The following KCNIP1 variants were observed in gnomAD, a reference collection of about 807,000 sequenced individuals.
KCNIP1 encodes the protein potassium voltage-gated channel interacting protein 1, also known as A-type potassium channel modulatory protein KCNIP1.
A neutral mutation model predicts 33.0 loss-of-function variants in KCNIP1; 18 were observed. The ratio of observed to expected loss-of-function variants is 0.55; its 90% CI spans 0.38 to 0.81. The LOEUF is 0.81. KCNIP1 is among the 30% of genes least tolerant of loss of function. The pLI, the probability that KCNIP1 is intolerant of heterozygous loss-of-function variation, is 0.00. For missense variants in KCNIP1, 238 were observed against 271.6 expected, an observed-to-expected ratio of 0.88 and a Z score of 0.87; for synonymous variants, 93 against 98.3, an observed-to-expected ratio of 0.95 and a Z score of 0.32.
intron 1 of KCNIP1, among the ~76,000 whole-genome samples, chr5:170,460,415 T>A (rs1308625744): frequency 6.6e-6 from 1 of 152,156 alleles, no homozygotes; most frequent in East Asian, 1.9e-4. Flanking sequence ...ATATCCCTGA[T>A]GAACATAGAT....
Position 170,449,007 on chromosome 5 carries a change from G to A in KCNIP1, c.88+95043G>A, listed in dbSNP as rs139966243. Among the ~76,000 whole-genome samples, 459 of 152,296 alleles carry A rather than the reference G, an allele frequency of 3.0e-3. 3 individuals are homozygous for A. Among genetic ancestry groups the A allele is most frequent in the African/African-American group, 0.01 (433 of 41,564 alleles). On this transcript the variant is annotated intron_variant, in intron 1 of 7. Coordinates refer to the KCNIP1 transcript ENST00000377360. ...TACTTCATGCTTAATTCAAGGAAGC[G>A]AATTCTCCTTGTGGGTTAACATCAT...
At chr5:170,379,612 T>C (rs970664558) in intron 1 of KCNIP1, among the ~76,000 whole-genome samples, 1 of 152,090 alleles carries the variant, frequency 6.6e-6, no homozygotes, top group African/African-American at 2.4e-5. Context: ...CTCCAGGCAA[T>C]GGATGTCAGG....
chr5:170,687,700 T>C (rs1191462068), intron 1 of KCNIP1, among the ~76,000 whole-genome samples: 1 of 152,210 alleles, frequency 6.6e-6, no homozygotes, highest in Admixed American at 6.5e-5. Context: ...CACCAGCCCT[T>C]GCCTCAGAAG....
At chr5:170,576,686 G>A (rs1390247319) in intron 1 of KCNIP1, among the ~76,000 whole-genome samples, 1 of 152,150 alleles carries the variant, frequency 6.6e-6, no homozygotes, top group African/African-American at 2.4e-5. Flanking sequence ...TATTACAAAT[G>A]AGACCATTAA....
chr5:170,526,545 G>C (rs1755575979), intron 1 of KCNIP1, among the ~76,000 whole-genome samples: 1 of 152,056 alleles, frequency 6.6e-6, no homozygotes, highest in Non-Finnish European at 1.5e-5. Flanking sequence ...ATCCTTCTGG[G>C]CTTTGGAGAT....
At chr5:170,535,363 C>G (rs1251478238) in intron 1 of KCNIP1, among the ~76,000 whole-genome samples, 1 of 152,126 alleles carries the variant, frequency 6.6e-6, no homozygotes, top group Non-Finnish European at 1.5e-5. Flanking sequence ...ATGTCAATAC[C>G]CTGAGCCTGA....
chr5:170,516,953 G>A (rs1477390491), intron 1 of KCNIP1, among the ~76,000 whole-genome samples: 1 of 152,276 alleles, frequency 6.6e-6, no homozygotes, highest in East Asian at 1.9e-4. Flanking sequence ...TTTGATAGTG[G>A]TGGTGATGAT....
intron 1 of KCNIP1, among the ~76,000 whole-genome samples, chr5:170,398,170 A>G (rs1754808001): frequency 6.6e-6 from 1 of 152,212 alleles, no homozygotes; most frequent in African/African-American, 2.4e-5. Flanking sequence ...CCCTCTTTCC[A>G]TCATGACCTG....
rs142656280 is a variant in KCNIP1, at chr5:170,540,455, C to T, written c.61+35822C>T. On this transcript the variant is annotated intron_variant, in intron 1 of 7. Coordinates refer to ENST00000328939, the MANE Select transcript of KCNIP1 (RefSeq NM_014592.4). ...ATTGCACCAACAGCTGTTGCCCAGC[C>T]CTGCTATGTGGATCTTGGGGACAAT... is the stretch of plus-strand genomic sequence containing the variant. Among the ~76,000 whole-genome samples the T allele has an allele frequency of 2.4e-3, 360 of 152,302 alleles. 3 individuals are homozygous for T. The highest frequency in any genetic ancestry group is 4.0e-3 in the Non-Finnish European group (273 of 68,028).
chr5:170,373,087 G>A (rs977220478), intron 1 of KCNIP1, among the ~76,000 whole-genome samples: 24 of 152,342 alleles, frequency 1.6e-4, no homozygotes, highest in African/African-American at 5.8e-4. Context: ...ATCCTTTGAG[G>A]AAGTTGGCTG....
rs536263261 is a variant in KCNIP1 at position 170,700,628 on chromosome 5, G to A, written c.62-18130G>A. Among the ~76,000 whole-genome samples, 7 of 152,298 alleles carry A rather than the reference G, an allele frequency of 4.6e-5. No individual in the cohort carries two copies. In the South Asian group the frequency reaches 1.5e-3, roughly 32 times the overall value. On this transcript the variant is annotated intron_variant, in intron 1 of 7. Transcript: ENST00000328939. ...CCACAGGACTGATCCCTCTGTGAGG[G>A]CAGAGATTGTTCATGCATGGAATTG...
Position 170,504,146 on chromosome 5 carries a change from G to A in KCNIP1, c.-427G>A. On this transcript the variant is annotated 5_prime_UTR_variant, in exon 1 of 8. Transcript: ENST00000328939. This position sits in a 1 kb window ranked among gnomAD's most constrained non-coding sequence, Gnocchi z 6.0. ...CGGCCCTCCGAGACCCAGCCCGAGC[G>A]CAGGGAGGGGAGCCGAGTGTGCGGC... The A allele has an allele frequency of 1.0e-6, 1 of 997,238 alleles. No homozygotes were observed. Among genetic ancestry groups the A allele is most frequent in the South Asian group, 4.7e-5 (1 of 21,462 alleles). 61.8% of individuals were successfully genotyped at this position (997,238 alleles called of 1,614,324 possible).
chr5:170,558,274 G>A (rs1280411081), intron 1 of KCNIP1, among the ~76,000 whole-genome samples: 1 of 152,230 alleles, frequency 6.6e-6, no homozygotes, highest in East Asian at 1.9e-4. Flanking sequence ...ATTACATCAA[G>A]TGCCTGTAAT....
At chr5:170,520,214 A>G (rs908693595) in intron 1 of KCNIP1, among the ~76,000 whole-genome samples, 2 of 152,308 alleles carry the variant, frequency 1.3e-5, no homozygotes, top group African/African-American at 4.8e-5. Flanking sequence ...TATGAAGCAG[A>G]TGCTGTTATT....
intron 1 of KCNIP1, among the ~76,000 whole-genome samples, chr5:170,552,107 C>T (rs1415206795): frequency 1.3e-5 from 2 of 152,016 alleles, no homozygotes; most frequent in Non-Finnish European, 2.9e-5. Flanking sequence ...GAGGATGCTG[C>T]CTTTACCCAG....
At chr5:170,534,181 A>G (rs1755884917) in intron 1 of KCNIP1, among the ~76,000 whole-genome samples, 1 of 152,256 alleles carries the variant, frequency 6.6e-6, no homozygotes, top group Non-Finnish European at 1.5e-5. Context: ...TTGCAGAAGC[A>G]AGACAAAGAA....
chr5:170,451,523 C>T lies in KCNIP1; in HGVS notation c.88+97559C>T, dbSNP rs542428705. ...AGCTCCGTTCAACTGCAGGTGTGTT[C>T]CTGGTCTTTGGCTAAAGGGCATTGA... On this transcript the variant is annotated intron_variant, in intron 1 of 7. Coordinates refer to the KCNIP1 transcript ENST00000377360. Among the ~76,000 whole-genome samples, 4 of 151,942 alleles carry T rather than the reference C, an allele frequency of 2.6e-5. No individual in the cohort carries two copies. The East Asian group carries it at 7.7e-4, about 29-fold the overall frequency.
intron 1 of KCNIP1, among the ~76,000 whole-genome samples, chr5:170,393,772 T>G (rs907697587): frequency 6.6e-6 from 1 of 152,186 alleles, no homozygotes; most frequent in African/African-American, 2.4e-5. Flanking sequence ...TACTCACTCC[T>G]TTTTCCTCTG....
At chr5:170,532,130 C>T (rs1177428834) in intron 1 of KCNIP1, among the ~76,000 whole-genome samples, 2 of 152,230 alleles carry the variant, frequency 1.3e-5, no homozygotes, top group African/African-American at 4.8e-5. Flanking sequence ...TGACCTAAAT[C>T]CTAGAGATTA....
Sources: allele counts gnomAD v4.1 joint callset (sites outside exome capture counted in the v4.1 genomes callset), GRCh38; gene constraint gnomAD v4.1.1; non-coding constraint Gnocchi (gnomAD v3.1); transcripts MANE v1.5; gene names NCBI Gene and HGNC (gene_info 2026-07-23, HGNC 2026-07-21).